Variants in VWA3B observed in about 807,000 individuals in gnomAD.
VWA3B encodes von Willebrand factor A domain containing 3B.
In VWA3B, 138 loss-of-function variants were observed where a neutral mutation model predicts 158.3. The ratio of observed to expected loss-of-function variants is 0.87; its 90% CI spans 0.76 to 1.00. The LOEUF (loss-of-function observed/expected upper bound fraction) is 1.00, where lower values mean the gene tolerates loss of function less well. Among genes scored for constraint, VWA3B ranks in the 50% least tolerant of loss-of-function variants. VWA3B has a pLI of 0.00. For synonymous variants in VWA3B, 596 were observed against 587.3 expected, an observed-to-expected ratio of 1.01 and a Z score of -0.21; for missense variants, 1,555 against 1,565.1, an observed-to-expected ratio of 0.99 and a Z score of 0.11.
At chr2:98,320,388 G>A in the VWA3B span, among the ~76,000 whole-genome samples, 98 of 152,314 alleles carry the variant, frequency 6.4e-4, 1 homozygote, top group African/African-American at 2.2e-3. Flanking sequence ...TTGGTGCCAG[G>A]AGTGGGGTGC....
intron 12 of VWA3B, chr2:98,207,326 T>C: frequency 2.0e-6 from 1 of 488,134 alleles, no homozygotes; most frequent in Non-Finnish European, 4.1e-6. Context: ...GGCATCTATC[T>C]ACATGTGGAT....
At chr2:98,195,529 A>G (rs535481461) in intron 12 of VWA3B, among the ~76,000 whole-genome samples, 1 of 152,188 alleles carries the variant, frequency 6.6e-6, no homozygotes, top group East Asian at 1.9e-4. Flanking sequence ...TTCATACCCA[A>G]CTTGTTAAAT....
At chr2:98,132,502 C>T (rs555481359) in intron 6 of VWA3B, among the ~76,000 whole-genome samples, 5 of 152,350 alleles carry the variant, frequency 3.3e-5, no homozygotes, top group Middle Eastern at 3.4e-3. Flanking sequence ...CCAAGCACAG[C>T]GCTGTGCTCT....
chr2:98,327,294 AAAAC>A, the VWA3B span, among the ~76,000 whole-genome samples: 3 of 152,184 alleles, frequency 2.0e-5, no homozygotes, highest in African/African-American at 7.2e-5. Context: ...CCCTGTCTCT[AAAAC>A]AAACAAACAA....
intron 26 of VWA3B, among the ~76,000 whole-genome samples, chr2:98,305,369 G>A (rs1204861338): frequency 6.6e-6 from 1 of 152,154 alleles, no homozygotes; most frequent in Non-Finnish European, 1.5e-5. Flanking sequence ...ATAGGGGGAA[G>A]AGCATTGGAA....
chr2:98,228,165 T>G, intron 14 of VWA3B, 37 bp from the exon 15 acceptor site: 2 of 1,565,660 alleles, frequency 1.3e-6, no homozygotes, highest in Non-Finnish European at 1.7e-6. Flanking sequence ...GCTCTTTTTA[T>G]CTAGTCTTAT....
At chr2:98,265,671 G>T (rs1464256336) in intron 21 of VWA3B, among the ~76,000 whole-genome samples, 1 of 147,616 alleles carries the variant, frequency 6.8e-6, no homozygotes, top group African/African-American at 2.5e-5. Flanking sequence ...CAGTGTAAAA[G>T]TGTTCCTATT....
At chr2:98,169,638 A>G (rs1679405233) in intron 8 of VWA3B, among the ~76,000 whole-genome samples, 1 of 152,078 alleles carries the variant, frequency 6.6e-6, no homozygotes, top group Non-Finnish European at 1.5e-5. Flanking sequence ...AAAGAAGAGG[A>G]CAAAGTAGAA....
At chr2:98,229,514 G>A (rs1160253070) in intron 15 of VWA3B, among the ~76,000 whole-genome samples, 2 of 152,222 alleles carry the variant, frequency 1.3e-5, no homozygotes, top group South Asian at 2.1e-4. Context: ...ACATGCAAGC[G>A]TTTCTGGGAT....
At chr2:98,248,913 CTCCT>C (rs145705950) in intron 19 of VWA3B, among the ~76,000 whole-genome samples, 19,145 of 132,664 alleles carry the variant, frequency 0.14, 2,069 homozygotes, top group Non-Finnish European at 0.22. Context: ...CTTTCTTTCT[CTCCT>C]TCCTTCCTTC....
chr2:98,145,902 G>C (rs1446961564), intron 7 of VWA3B, among the ~76,000 whole-genome samples: 1 of 151,936 alleles, frequency 6.6e-6, no homozygotes, highest in Non-Finnish European at 1.5e-5. Context: ...TATTTTTGCA[G>C]AGATTAGGGT....
At chr2:98,092,520 G>C (rs1559525638) in intron 1 of VWA3B, among the ~76,000 whole-genome samples, 1 of 152,034 alleles carries the variant, frequency 6.6e-6, no homozygotes, top group Non-Finnish European at 1.5e-5. Context: ...GCACGCGCCT[G>C]TAATCCCAGC....
At position 98,101,537 on chromosome 2, in the gene VWA3B, A is replaced by G. The variant is rs185426110; in HGVS notation, c.196+8249A>G. On this transcript the variant is annotated intron_variant, in intron 2 of 27. Coordinates refer to ENST00000477737, the MANE Select transcript of VWA3B (RefSeq NM_144992.5). ...TTAAACAAATATTTATTGAGCAACC[A>G]TTAATACCATTTTTTAACCAGATTA... 4.5e-3 allele frequency among the ~76,000 whole-genome samples: 683 copies of G among 152,362 alleles called. 19 individuals carry two copies. Among genetic ancestry groups the G allele is most frequent in the Non-Finnish European group, 6.9e-4 (47 of 68,036 alleles).
intron 7 of VWA3B, among the ~76,000 whole-genome samples, chr2:98,137,003 A>G (rs1357219295): frequency 2.0e-5 from 3 of 152,324 alleles, no homozygotes; most frequent in South Asian, 4.1e-4. Flanking sequence ...AAGGTTGATA[A>G]TAGTCCATTA....
At chr2:98,102,673 C>T (rs971259259) in intron 2 of VWA3B, among the ~76,000 whole-genome samples, 1 of 152,192 alleles carries the variant, frequency 6.6e-6, no homozygotes, top group Non-Finnish European at 1.5e-5. Flanking sequence ...AGAGATATTG[C>T]TCCGTAACTT....
chr2:98,186,475 C>A (rs1279631066), intron 9 of VWA3B, among the ~76,000 whole-genome samples: 3 of 152,260 alleles, frequency 2.0e-5, no homozygotes, highest in Non-Finnish European at 4.4e-5. Flanking sequence ...GAACCTGATA[C>A]ATCAGATGGT....
chr2:98,089,834 AT>A (rs1559523062), intron 1 of VWA3B, among the ~76,000 whole-genome samples: 1 of 152,074 alleles, frequency 6.6e-6, no homozygotes, highest in African/African-American at 2.4e-5. Flanking sequence ...TTAAAAATTA[AT>A]TTTTTAAAAG....
intron 7 of VWA3B, among the ~76,000 whole-genome samples, chr2:98,156,743 C>T (rs943123959): frequency 5.3e-5 from 7 of 133,236 alleles, no homozygotes; most frequent in African/African-American, 1.6e-4. Flanking sequence ...GTCAATAAAA[C>T]ATTTACCCCT....
chr2:98,306,830 A>C (rs544571602), intron 26 of VWA3B, among the ~76,000 whole-genome samples: 2 of 152,150 alleles, frequency 1.3e-5, no homozygotes, highest in African/African-American at 4.8e-5. Flanking sequence ...GGAAGTCTTC[A>C]TTGACTCTCG....
Sources: gnomAD v4.1 joint callset for allele counts (sites outside exome capture counted in the v4.1 genomes callset) on GRCh38, gnomAD v4.1.1 for gene constraint, MANE v1.5 for transcripts, NCBI Gene and HGNC (gene_info 2026-07-23, HGNC 2026-07-21) for gene names.